Variants in CCDC183 observed in about 807,000 individuals in gnomAD.
CCDC183 encodes the protein coiled-coil domain containing 183.
A neutral mutation model predicts 65.2 loss-of-function variants in CCDC183; 63 were observed. That is an observed-to-expected ratio of 0.97 (90% CI 0.79 to 1.19). The LOEUF (loss-of-function observed/expected upper bound fraction) is 1.19, where lower values mean the gene tolerates loss of function less well. Among genes scored for constraint, CCDC183 ranks in the 50% most tolerant of loss-of-function variants. The pLI, the probability that CCDC183 is intolerant of heterozygous loss-of-function variation, is 0.00. For missense variants in CCDC183, 769 were observed against 689.3 expected (o/e 1.12, Z -1.30); for synonymous variants, 323 against 276.5 (o/e 1.17, Z -1.67).
chr9:136,806,944 C>A, intron 12 of CCDC183, 26 bp from the exon 13 acceptor site: 1 of 1,613,492 alleles, frequency 6.2e-7, no homozygotes, highest in Non-Finnish European at 8.5e-7. Flanking sequence ...AGTGTCTGCA[C>A]GGCTGAAGGG....
intron 5 of CCDC183, among the ~76,000 whole-genome samples, chr9:136,802,445 T>C (rs1396550999): frequency 1.3e-5 from 2 of 152,244 alleles, no homozygotes; most frequent in African/African-American, 4.8e-5. Context: ...CTCTCTGGGT[T>C]GTTGGACCCT....
In CCDC183 at chr9:136,799,716, G is replaced by A. The variant is rs1847706048; in HGVS notation, c.196G>A (p.Asp66Asn). Reference protein sequence around the residue: ...AQDWALAKKYDQWTISKACGK... With the variant: ...AQDWALAKKYNQWTISKACGK... ...CTCAGCCGCCGCCGCTCCGCAGTAT[G>A]ACCAGTGGACCATCTCCAAGGCCTG... The change falls in exon 3 of 14, where the codon GAC becomes AAC. Residue 66 changes from aspartate to asparagine, a missense_variant. Transcript: ENST00000338005. 6.2e-7 allele frequency: 1 copy of A among 1,612,848 alleles called. No homozygotes were observed. The highest frequency in any genetic ancestry group is 8.5e-7 in the Non-Finnish European group (1 of 1,179,792).
In CCDC183 at chr9:136,806,003, GA is replaced by G. The variant is rs1345124405; in HGVS notation, c.949-72del. The G allele has an allele frequency of 2.4e-6, 3 of 1,268,866 alleles. No homozygotes were observed. The Admixed American group carries it at 7.1e-5, about 30-fold the overall frequency. 78.6% of individuals were successfully genotyped at this position (1,268,866 alleles called of 1,614,324 possible). On this transcript the variant is annotated intron_variant, in intron 9 of 13. Coordinates refer to ENST00000338005, the MANE Select transcript of CCDC183 (RefSeq NM_001039374.5). The stretch of plus-strand genomic sequence containing the variant: ...ACTAGCGTCTAGGAGGGGCCCAGAA[GA>G]AACCAGTTCTGTGAAGCCCCCTCTG...
chr9:136,797,752 C>G (rs1351004433), intron 1 of CCDC183, among the ~76,000 whole-genome samples: 2 of 151,994 alleles, frequency 1.3e-5, no homozygotes, highest in African/African-American at 4.8e-5. Context: ...TGTCTTATTT[C>G]TTTTCTCAGT....
At chr9:136,802,346 T>C (rs769028103) in intron 5 of CCDC183, among the ~76,000 whole-genome samples, 7 of 152,228 alleles carry the variant, frequency 4.6e-5, no homozygotes, top group Non-Finnish European at 8.8e-5. Context: ...TGAGCCCCTC[T>C]GTTTCACTTC....
intron 8 of CCDC183, chr9:136,805,146 G>A (rs1407139894): frequency 1.7e-6 from 1 of 597,828 alleles, no homozygotes; most frequent in Non-Finnish European, 3.0e-6. Flanking sequence ...CTCACTCCGG[G>A]TCCACCTCTG....
chr9:136,800,277 A>T (rs1847717948), intron 4 of CCDC183, 108 bp downstream of exon 4: 8 of 1,414,128 alleles, frequency 5.7e-6, no homozygotes, highest in Non-Finnish European at 7.6e-6. Context: ...GGGAGGGCTC[A>T]CGGGAGGGGC....
At chr9:136,800,698 C>A (rs1198643819) in intron 5 of CCDC183, 3 of 578,240 alleles carry the variant, frequency 5.2e-6, no homozygotes, top group Non-Finnish European at 9.3e-6. Flanking sequence ...TGGGGTATAT[C>A]AGAATTCTTC....
chr9:136,806,278 T>A (rs1000881418), intron 10 of CCDC183, 40 bp downstream of exon 10: 9 of 1,561,600 alleles, frequency 5.8e-6, no homozygotes, highest in Non-Finnish European at 7.8e-6. Flanking sequence ...CCCACCCCAG[T>A]CTCACAAAGG....
chr9:136,806,175 T>C lies in CCDC183; in HGVS notation c.1046T>C (p.Leu349Pro). Residue 349 changes from leucine to proline, a missense_variant, in exon 10 of 14, where the codon CTG becomes CCG. Coordinates refer to ENST00000338005, the MANE Select transcript of CCDC183 (RefSeq NM_001039374.5). ...GAGTGGCGGGTGCAGCTGAAGGCCCTGGTGAAGCAGCTGGAGCTGGAGGAG... is the reference window on the plus strand; with the variant it reads ...GAGTGGCGGGTGCAGCTGAAGGCCCCGGTGAAGCAGCTGGAGCTGGAGGAG... ...CEEWRVQLKALVKQLELEEAV... is the reference protein window; with the variant it reads ...CEEWRVQLKAPVKQLELEEAV... 1 of 1,556,616 alleles carries C rather than the reference T, an allele frequency of 6.4e-7. No homozygotes were observed. The highest frequency in any genetic ancestry group is 8.7e-7 in the Non-Finnish European group (1 of 1,150,568).
chr9:136,797,221 CT>C (rs1330807397), intron 1 of CCDC183, among the ~76,000 whole-genome samples: 1 of 152,166 alleles, frequency 6.6e-6, no homozygotes, highest in Non-Finnish European at 1.5e-5. Flanking sequence ...GGCATAGTAC[CT>C]TTCCTTGAAC....
At chr9:136,800,247 C>T in intron 4 of CCDC183, 78 bp downstream of exon 4, 1 of 165,146 alleles carries the variant, frequency 6.1e-6, no homozygotes, top group Non-Finnish European at 1.0e-5. Flanking sequence ...CACCGGGGGG[C>T]GGGACTTGCG....
rs1055995 is a variant in CCDC183 at position 136,796,388 on chromosome 9, G to A, written c.-10G>A. 952,237 of 1,570,104 alleles carry A rather than the reference G, an allele frequency of 0.61. 295,410 individuals are homozygous for A. Among genetic ancestry groups the A allele is most frequent in the East Asian group, 0.81 (35,332 of 43,728 alleles). Reference sequence around the variant, plus strand: ...GTACACAGGGTCCCTTGGGGGGCCTGAGAGCAGCCATGAGGAGGCACAGTG... The same window carrying A: ...GTACACAGGGTCCCTTGGGGGGCCTAAGAGCAGCCATGAGGAGGCACAGTG... On this transcript the variant is annotated 5_prime_UTR_variant, in exon 1 of 14. Coordinates refer to ENST00000338005, the MANE Select transcript of CCDC183 (RefSeq NM_001039374.5).
intron 1 of CCDC183, among the ~76,000 whole-genome samples, chr9:136,797,189 A>T (rs1413921543): frequency 6.6e-6 from 1 of 152,214 alleles, no homozygotes; most frequent in Admixed American, 6.5e-5. Context: ...CGTGAAACAA[A>T]TCTGGCCTAC....
chr9:136,797,278 G>A (rs6560648), intron 1 of CCDC183, among the ~76,000 whole-genome samples: 7 of 151,822 alleles, frequency 4.6e-5, no homozygotes, highest in African/African-American at 4.8e-5. Flanking sequence ...CCCTGCTGAC[G>A]TTCTCACCAC....
intron 9 of CCDC183, among the ~76,000 whole-genome samples, chr9:136,805,774 T>A (rs538953467): frequency 7.6e-4 from 115 of 152,310 alleles, no homozygotes; most frequent in Middle Eastern, 3.4e-3. Flanking sequence ...TCCTTATCTC[T>A]ACATGGGGTT....
At position 136,805,404 on chromosome 9, in the gene CCDC183, G is replaced by GT; in HGVS notation, c.896dup (p.Thr300AspfsTer21). ...AGCAGAAATGGAATACCAGTCGGGC[G>GT]TGACTGCTGTGGTGGAGAAGGTCAA... On this transcript the variant is annotated frameshift_variant, in exon 9 of 14. Transcript: ENST00000338005. LOFTEE classifies it high-confidence loss of function. 3.7e-6 allele frequency: 6 copies of GT among 1,614,026 alleles called. No homozygotes were observed. The highest frequency in any genetic ancestry group is 5.1e-6 in the Non-Finnish European group (6 of 1,179,984).
chr9:136,799,347 T>A, intron 2 of CCDC183, 124 bp downstream of exon 2: 1 of 1,392,508 alleles, frequency 7.2e-7, no homozygotes, highest in Non-Finnish European at 9.5e-7. Flanking sequence ...AGGGGGCATG[T>A]GAGGAGGGGC....
chr9:136,803,398 C>T (rs1588333606), intron 6 of CCDC183, among the ~76,000 whole-genome samples: 2 of 152,316 alleles, frequency 1.3e-5, no homozygotes, highest in East Asian at 3.9e-4. Context: ...GGCCAGCCTG[C>T]TCTGCTCACC....
Sources: allele counts gnomAD v4.1 joint callset (sites outside exome capture counted in the v4.1 genomes callset), GRCh38; gene constraint gnomAD v4.1.1; transcripts MANE v1.5; gene names NCBI Gene and HGNC (gene_info 2026-07-23, HGNC 2026-07-21).